The following MYLK variants were observed in gnomAD, a reference collection of about 807,000 sequenced individuals.
MYLK encodes the protein myosin light chain kinase, smooth muscle.
A neutral mutation model predicts 203.4 loss-of-function variants in MYLK; 106 were observed. The observed-to-expected ratio is 0.52, with a 90% confidence interval of 0.45 to 0.61. MYLK has a LOEUF of 0.61. MYLK is among the 20% of genes least tolerant of loss of function. The pLI is 0.00. For missense variants in MYLK, 2,072 were observed against 2,442.3 expected (o/e 0.85, Z 3.20); for synonymous variants, 867 against 959.5 (o/e 0.90, Z 1.78).
chr3:123,767,918 C>A (rs1466922808), intron 4 of MYLK, among the ~76,000 whole-genome samples: 1 of 152,190 alleles, frequency 6.6e-6, no homozygotes, highest in Admixed American at 6.5e-5. Context: ...GGTCTGTAAA[C>A]TTGTTACACT....
At chr3:123,634,718 G>A (rs1464220824) in intron 29 of MYLK, among the ~76,000 whole-genome samples, 1 of 152,182 alleles carries the variant, frequency 6.6e-6, no homozygotes, top group Non-Finnish European at 1.5e-5. Flanking sequence ...AGGGCTCGGA[G>A]AAGAGCTGTT....
chr3:123,827,634 T>C (rs1354376508), intron 3 of MYLK, among the ~76,000 whole-genome samples: 1 of 138,512 alleles, frequency 7.2e-6, no homozygotes, highest in Non-Finnish European at 1.5e-5. Flanking sequence ...ACCACTAAAC[T>C]GGCCTTACAA....
At chr3:123,831,961 G>C (rs2066345006) in intron 2 of MYLK, among the ~76,000 whole-genome samples, 1 of 152,172 alleles carries the variant, frequency 6.6e-6, no homozygotes, top group African/African-American at 2.4e-5. Context: ...TCTAGGGAGA[G>C]GCCCTGGCAG....
intron 4 of MYLK, among the ~76,000 whole-genome samples, chr3:123,757,703 T>C (rs1209876261): frequency 6.6e-6 from 1 of 152,122 alleles, no homozygotes; most frequent in Admixed American, 6.5e-5. Flanking sequence ...TACTTGATTG[T>C]TAAGTAACTG....
chr3:123,648,838 A>G lies in MYLK; in HGVS notation c.4415+133T>C, dbSNP rs2059111748. The G allele has an allele frequency of 2.5e-6, 2 of 787,344 alleles. No individual in the cohort carries two copies. Among genetic ancestry groups the G allele is most frequent in the South Asian group, 2.9e-5 (2 of 70,124 alleles). The allele number at this position is 787,344 out of a possible 1,614,324, so 48.8% of individuals were successfully genotyped here. ...ATGCTTTCGTGGGTCAGTCCTTTGGATCCTGCAGGACTCTCAGTCTGGGGA... is the reference window on the plus strand; with the variant it reads ...ATGCTTTCGTGGGTCAGTCCTTTGGGTCCTGCAGGACTCTCAGTCTGGGGA... On this transcript the variant is annotated intron_variant, in intron 26 of 33. Coordinates refer to ENST00000360304, the MANE Select transcript of MYLK (RefSeq NM_053025.4). This position sits in a 1 kb window ranked among gnomAD's most constrained non-coding sequence, Gnocchi z 4.5.
chr3:123,688,797 T>G (rs1316766704), intron 19 of MYLK, among the ~76,000 whole-genome samples: 1 of 152,138 alleles, frequency 6.6e-6, no homozygotes, highest in Non-Finnish European at 1.5e-5. Context: ...CCCTGCTTCC[T>G]TCAGTCTCTG....
intron 11 of MYLK, among the ~76,000 whole-genome samples, chr3:123,727,946 C>G (rs1226412809): frequency 6.6e-6 from 1 of 152,066 alleles, no homozygotes; most frequent in Non-Finnish European, 1.5e-5. Context: ...GTAGGAGGAG[C>G]TAAAAGAACA....
chr3:123,744,890 T>C lies in MYLK; in HGVS notation c.374-4889A>G, dbSNP rs559691682. Among the ~76,000 whole-genome samples, 109 of 152,360 alleles carry C rather than the reference T, an allele frequency of 7.2e-4. 1 individual carries two copies. The highest frequency in any genetic ancestry group is 2.5e-3 in the African/African-American group (102 of 41,586). Reference sequence around the variant, plus strand: ...TTATGCATCTCCATTAACTTAATACTATTTGCTTCTAATATTAAGAGTTTT... The same window carrying C: ...TTATGCATCTCCATTAACTTAATACCATTTGCTTCTAATATTAAGAGTTTT... On this transcript the variant is annotated intron_variant, in intron 5 of 33. Transcript: ENST00000360304.
intron 2 of MYLK, among the ~76,000 whole-genome samples, chr3:123,842,954 C>A (rs1368456037): frequency 6.6e-6 from 1 of 152,226 alleles, no homozygotes; most frequent in African/African-American, 2.4e-5. Flanking sequence ...CTGGGACGGA[C>A]ACCATGTCGG....
intron 18 of MYLK, among the ~76,000 whole-genome samples, chr3:123,697,998 C>T (rs56376741): frequency 0.099 from 15,001 of 152,150 alleles, 846 homozygotes; most frequent in South Asian, 0.15. Context: ...ACTCAGGGCA[C>T]GAGAAGACAG....
At chr3:123,861,798 A>C (rs902427744) in intron 2 of MYLK, among the ~76,000 whole-genome samples, 19 of 152,342 alleles carry the variant, frequency 1.2e-4, no homozygotes, top group African/African-American at 4.1e-4. Flanking sequence ...GACTGGACTC[A>C]AAATGTCAAT....
At chr3:123,772,296 A>G (rs2108989667) in intron 4 of MYLK, among the ~76,000 whole-genome samples, 1 of 152,296 alleles carries the variant, frequency 6.6e-6, no homozygotes, top group East Asian at 1.9e-4. Flanking sequence ...GAAATAGTCC[A>G]GAAAAATGCT....
At chr3:123,758,812 TTTTCTTTC>T (rs556362443) in intron 4 of MYLK, among the ~76,000 whole-genome samples, 37 of 152,122 alleles carry the variant, frequency 2.4e-4, no homozygotes, top group African/African-American at 8.4e-4. Flanking sequence ...AGATACAGAT[TTTTCTTTC>T]TTTCTTTCTT....
At chr3:123,804,137 T>C (rs1415392748) in intron 3 of MYLK, among the ~76,000 whole-genome samples, 1 of 152,080 alleles carries the variant, frequency 6.6e-6, no homozygotes, top group African/African-American at 2.4e-5. Flanking sequence ...ATAAGGTAAA[T>C]GGAATATACT....
chr3:123,708,886 G>A lies in MYLK; in HGVS notation c.1952C>T (p.Pro651Leu), dbSNP rs555029377. 1.9e-6 allele frequency: 3 copies of A among 1,613,986 alleles called. No individual in the cohort carries two copies. Among genetic ancestry groups the A allele is most frequent in the East Asian group, 2.2e-5 (1 of 44,858 alleles). ...ATTGTGCAGCCAGATGACTTCAGGG[G>A]GTGGATTCCCTGAACCAGGAGGAGG... Reference protein sequence around the residue: ...TMTVQVSGNPPPEVIWLHNGN... With the variant: ...TMTVQVSGNPLPEVIWLHNGN... Residue 651 changes from proline (P) to leucine (L), a missense_variant, in exon 15 of 34, where the codon CCC (proline) becomes CTC (leucine). Transcript: ENST00000360304.
chr3:123,634,242 G>A (rs1478085987), intron 29 of MYLK, among the ~76,000 whole-genome samples: 2 of 152,146 alleles, frequency 1.3e-5, no homozygotes, highest in African/African-American at 2.4e-5. Flanking sequence ...GGTGGTGGCC[G>A]GGCTTGGAGA....
intron 19 of MYLK, 107 bp from the exon 20 acceptor site, chr3:123,682,417 G>C: frequency 2.2e-6 from 2 of 902,806 alleles, no homozygotes; most frequent in Non-Finnish European, 3.5e-6. Flanking sequence ...CCAACTCTGA[G>C]GGCCCTTTGT....
intron 5 of MYLK, among the ~76,000 whole-genome samples, chr3:123,746,808 T>TAA (rs11412208): frequency 2.6e-5 from 4 of 152,126 alleles, no homozygotes; most frequent in Non-Finnish European, 5.9e-5. Context: ...GCCTAGATTT[T>TAA]AAAAAATAGG....
At chr3:123,871,490 C>A (rs537041976) in intron 2 of MYLK, among the ~76,000 whole-genome samples, 3 of 152,068 alleles carry the variant, frequency 2.0e-5, no homozygotes, top group Admixed American at 6.5e-5. Flanking sequence ...GAAAATGAGA[C>A]ATTACTACAA....
Sources: gnomAD v4.1 joint callset for allele counts (sites outside exome capture counted in the v4.1 genomes callset) on GRCh38, gnomAD v4.1.1 for gene constraint, Gnocchi (gnomAD v3.1) non-coding constraint, MANE v1.5 for transcripts, NCBI Gene and HGNC (gene_info 2026-07-23, HGNC 2026-07-21) for gene names.